The following MILR1 variants were observed in gnomAD, a reference collection of about 807,000 sequenced individuals.
The protein encoded by MILR1 is allergin-1.
Under a neutral mutation model 18.5 loss-of-function variants are expected in MILR1, and 31 were observed. That is an observed-to-expected ratio of 1.68 (90% CI 1.26 to 2.26). The LOEUF (loss-of-function observed/expected upper bound fraction) is 2.26. Among genes scored for constraint, MILR1 ranks in the 30% most tolerant of loss-of-function variants. The probability of loss-of-function intolerance (pLI) is 0.00; values close to 1 mark genes in which losing one functional copy is unlikely to be tolerated. For missense variants in MILR1, 257 were observed against 157.4 expected, an observed-to-expected ratio of 1.63 and a Z score of -3.38; for synonymous variants, 85 against 56.2, an observed-to-expected ratio of 1.51 and a Z score of -2.30.
the MILR1 span, chr17:64,487,239 C>T: frequency 1.3e-5 from 2 of 152,170 alleles, no homozygotes; most frequent in Non-Finnish European, 2.9e-5. Flanking sequence ...AATTTGCCCT[C>T]AAAGGCAGTA....
chr17:64,481,764 A>G, the MILR1 span, among the ~76,000 whole-genome samples: 15 of 152,052 alleles, frequency 9.9e-5, no homozygotes, highest in Admixed American at 9.8e-4. Flanking sequence ...AATCCCATCT[A>G]CTAGGGAGGC....
the MILR1 span, among the ~76,000 whole-genome samples, chr17:64,474,252 TGTA>T: frequency 6.6e-6 from 1 of 152,160 alleles, no homozygotes; most frequent in African/African-American, 2.4e-5. Flanking sequence ...TTTTTGTATT[TGTA>T]GAAGAAACGG....
downstream of MILR1, among the ~76,000 whole-genome samples, chr17:64,469,918 A>C (rs186333186): frequency 1.6e-3 from 248 of 152,274 alleles, no homozygotes; most frequent in African/African-American, 5.8e-3. Flanking sequence ...ACAAGGATGG[A>C]TCTTAAAGAA....
At chr17:64,491,586 A>G in the MILR1 span, 1 of 1,550,336 alleles carries the variant, frequency 6.5e-7, no homozygotes, top group Non-Finnish European at 8.9e-7. Context: ...GGAGCTGCCA[A>G]GCTGGATCTT....
At chr17:64,455,823 T>A (rs2144025284) in intron 3 of MILR1, among the ~76,000 whole-genome samples, 1 of 151,830 alleles carries the variant, frequency 6.6e-6, no homozygotes, top group East Asian at 2.0e-4. Flanking sequence ...GCAGATCACT[T>A]GAGGTCAGTA....
At chr17:64,461,026 G>A (rs2037419683) in intron 5 of MILR1, 94 bp downstream of exon 5, 2 of 445,140 alleles carry the variant, frequency 4.5e-6, no homozygotes, top group African/African-American at 4.0e-5. Flanking sequence ...AAAGGGGATT[G>A]GAAATAGAAT....
At chr17:64,492,360 A>C in the MILR1 span, among the ~76,000 whole-genome samples, 1 of 152,066 alleles carries the variant, frequency 6.6e-6, no homozygotes, top group African/African-American at 2.4e-5. Context: ...AGGTAGCAAA[A>C]GCTGAAGCTG....
At chr17:64,491,779 A>G in the MILR1 span, 4 of 611,352 alleles carry the variant, frequency 6.5e-6, no homozygotes, top group South Asian at 1.5e-5. Flanking sequence ...CGGCTATGCA[A>G]GTACCACTGA....
the MILR1 span, chr17:64,492,564 T>A: frequency 1.4e-6 from 1 of 709,890 alleles, no homozygotes; most frequent in East Asian, 2.7e-5. Context: ...TATTAATAGC[T>A]ACATACATCA....
At chr17:64,483,433 T>G in the MILR1 span, among the ~76,000 whole-genome samples, 1 of 151,692 alleles carries the variant, frequency 6.6e-6, no homozygotes, top group Admixed American at 6.6e-5. Context: ...GAAGAATGCT[T>G]GACCCGGGAG....
At chr17:64,481,738 G>A in the MILR1 span, among the ~76,000 whole-genome samples, 1 of 152,020 alleles carries the variant, frequency 6.6e-6, no homozygotes, top group African/African-American at 2.4e-5. Context: ...AGCCAGGTGT[G>A]GCGGTGTGTA....
chr17:64,496,508 C>A, the MILR1 span: 121 of 1,613,110 alleles, frequency 7.5e-5, no homozygotes, highest in Non-Finnish European at 5.1e-6. Flanking sequence ...CAAGATTTCG[C>A]GTAGAGTTTC....
At chr17:64,495,177 C>CAAAAA in the MILR1 span, among the ~76,000 whole-genome samples, 74 of 119,312 alleles carry the variant, frequency 6.2e-4, 3 homozygotes, top group Middle Eastern at 4.1e-3. Flanking sequence ...GACTCTGTCT[C>CAAAAA]AAAAAAAAAA....
chr17:64,449,298 T>A lies in MILR1; in HGVS notation c.56-16T>A. The A allele has an allele frequency of 4.2e-6, 2 of 473,768 alleles. No homozygotes were observed. The highest frequency in any genetic ancestry group is 7.7e-6 in the Non-Finnish European group (2 of 258,252). The allele number at this position is 473,768 out of a possible 1,614,324, so 29.3% of individuals were successfully genotyped here. A position where few individuals can be genotyped will look rare whatever the true frequency, so the allele number is the denominator to read the frequency against. On this transcript the variant is annotated splice_polypyrimidine_tract_variant and intron_variant, in intron 1 of 9. Transcript: ENST00000619286. The stretch of plus-strand genomic sequence containing the variant: ...ATGTGGAAAGTGAGCTTTATCGTGT[T>A]CCTTTTCTGTTTCAGGTAGAAAAGC...
the MILR1 span, among the ~76,000 whole-genome samples, chr17:64,494,441 A>T: frequency 6.6e-6 from 1 of 152,186 alleles, no homozygotes; most frequent in East Asian, 1.9e-4. Flanking sequence ...CCAGTATTTT[A>T]GAATCCATTG....
chr17:64,490,166 T>C, the MILR1 span, among the ~76,000 whole-genome samples: 2 of 152,186 alleles, frequency 1.3e-5, no homozygotes, highest in South Asian at 2.1e-4. Context: ...CTCATGATCC[T>C]CCCACTTCGG....
At position 64,454,545 on chromosome 17, in the gene MILR1, A is replaced by G. The variant is rs1017769431; in HGVS notation, c.367+1679A>G. Among the ~76,000 whole-genome samples, 31 of 152,346 alleles carry G rather than the reference A, an allele frequency of 2.0e-4. No homozygotes were observed. The East Asian group carries it at 5.2e-3, about 26-fold the overall frequency. ...ATCACAGAAAGTTCTACTGGGTGAC[A>G]TTGCTGTAGCTCAGTGATTCTTAGC... On this transcript the variant is annotated intron_variant, in intron 3 of 9. Transcript: ENST00000619286.
intron 4 of MILR1, among the ~76,000 whole-genome samples, chr17:64,459,277 TAAA>T (rs1226152667): frequency 2.0e-5 from 3 of 151,148 alleles, no homozygotes; most frequent in Admixed American, 1.3e-4. Flanking sequence ...CTACAGAAAA[TAAA>T]AAAATTAGCC....
the MILR1 span, among the ~76,000 whole-genome samples, chr17:64,474,266 G>A: frequency 6.6e-6 from 1 of 152,134 alleles, no homozygotes; most frequent in Non-Finnish European, 1.5e-5. Context: ...GAAGAAACGG[G>A]GTTTCACCGT....
Sources: allele counts gnomAD v4.1 joint callset (sites outside exome capture counted in the v4.1 genomes callset), GRCh38; gene constraint gnomAD v4.1.1; transcripts MANE v1.5; gene names NCBI Gene and HGNC (gene_info 2026-07-23, HGNC 2026-07-21).